CCSER1: variants seen among roughly 807,000 people sequenced by gnomAD.
The protein encoded by CCSER1 is serine-rich coiled-coil domain-containing protein 1.
Under a neutral mutation model 82.0 loss-of-function variants are expected in CCSER1, and 41 were observed. The observed-to-expected ratio is 0.50, with a 90% CI of 0.39 to 0.65. CCSER1 has a LOEUF of 0.65. Ranked by LOEUF, CCSER1 falls within the 30% of genes least tolerant of loss-of-function variation. The pLI is 0.00. For synonymous variants in CCSER1, 414 were observed against 383.9 expected, an observed-to-expected ratio of 1.08 and a Z score of -0.92; for missense variants, 1,119 against 1,064.2, an observed-to-expected ratio of 1.05 and a Z score of -0.72.
chr4:90,278,860 T>C (rs1728392619), intron 1 of CCSER1, among the ~76,000 whole-genome samples: 2 of 152,032 alleles, frequency 1.3e-5, no homozygotes, highest in Non-Finnish European at 1.5e-5. Flanking sequence ...GTTGATAAGA[T>C]ATAGGTCAAA....
chr4:90,708,441 T>G (rs1739821209), intron 6 of CCSER1, among the ~76,000 whole-genome samples: 1 of 152,134 alleles, frequency 6.6e-6, no homozygotes, highest in Non-Finnish European at 1.5e-5. Context: ...TAATATTTCT[T>G]TGCTAGGGAG....
chr4:91,159,088 G>T (rs139788234), intron 10 of CCSER1, among the ~76,000 whole-genome samples: 2 of 151,666 alleles, frequency 1.3e-5, no homozygotes, highest in Non-Finnish European at 2.9e-5. Flanking sequence ...TTAAATTAAG[G>T]ACTTATCTGA....
At chr4:90,418,698 A>G (rs1055300914) in intron 4 of CCSER1, among the ~76,000 whole-genome samples, 1 of 152,030 alleles carries the variant, frequency 6.6e-6, no homozygotes, top group South Asian at 2.1e-4. Context: ...TTAAAATCAC[A>G]TGTTCACTGA....
chr4:90,144,582 AG>A (rs1725456905), intron 1 of CCSER1, among the ~76,000 whole-genome samples: 1 of 152,208 alleles, frequency 6.6e-6, no homozygotes, highest in Non-Finnish European at 1.5e-5. Context: ...AATGTGAAAA[AG>A]TAGTGGAATA....
Position 90,879,884 on chromosome 4 carries a change from T to C in CCSER1, c.2095-43486T>C, listed in dbSNP as rs556221244. 4.6e-5 allele frequency among the ~76,000 whole-genome samples: 7 copies of C among 152,294 alleles called. No homozygotes were observed. The South Asian group carries it at 1.0e-3, about 23-fold the overall frequency. On this transcript the variant is annotated intron_variant, in intron 8 of 10. Coordinates refer to ENST00000509176, the MANE Select transcript of CCSER1 (RefSeq NM_001145065.2). ...AGATACAGTATAGATGCAGTATAGA[T>C]ACAGTCAATAGACTTATTTTCTGGA...
At chr4:90,480,404 G>T (rs1261870571) in intron 5 of CCSER1, among the ~76,000 whole-genome samples, 1 of 152,038 alleles carries the variant, frequency 6.6e-6, no homozygotes, top group African/African-American at 2.4e-5. Context: ...TGTCACTTTT[G>T]GCTTTTGTTT....
intron 5 of CCSER1, among the ~76,000 whole-genome samples, chr4:90,605,148 C>A (rs1269613947): frequency 6.6e-6 from 1 of 152,122 alleles, no homozygotes; most frequent in Non-Finnish European, 1.5e-5. Context: ...AGACCACGAA[C>A]CCCCCAGAAG....
chr4:90,307,507 G>A (rs1734516971), intron 1 of CCSER1, among the ~76,000 whole-genome samples: 1 of 107,614 alleles, frequency 9.3e-6, no homozygotes, highest in Non-Finnish European at 1.8e-5. Flanking sequence ...TCCTGGGGTG[G>A]GGGGAGGGGG....
intron 10 of CCSER1, among the ~76,000 whole-genome samples, chr4:91,171,813 G>A (rs891988271): frequency 2.0e-5 from 3 of 152,006 alleles, no homozygotes; most frequent in African/African-American, 4.8e-5. Context: ...GTTAACCTAT[G>A]ATTCATAAAA....
intron 10 of CCSER1, among the ~76,000 whole-genome samples, chr4:91,441,805 C>A (rs187678643): frequency 2.6e-4 from 39 of 151,802 alleles, no homozygotes; most frequent in Admixed American, 2.0e-3. Flanking sequence ...GCAAAAATCA[C>A]AAGCATTCTT....
chr4:90,341,457 T>A (rs1401683302), intron 3 of CCSER1, among the ~76,000 whole-genome samples: 4 of 152,098 alleles, frequency 2.6e-5, no homozygotes, highest in African/African-American at 7.2e-5. Context: ...GAGCATTTTT[T>A]AAATATAATA....
rs201056257 is a variant in CCSER1, at chr4:91,349,263, G to GT, written c.2218-249301dup. ...TTATGTTTTTGACTAAGGGTTGGGT[G>GT]TTTTTTTTACTGTTTGCTGTAGCTA... is the stretch of plus-strand genomic sequence containing the variant. On this transcript the variant is annotated intron_variant, in intron 10 of 10. Coordinates refer to ENST00000509176, the MANE Select transcript of CCSER1 (RefSeq NM_001145065.2). 8.6e-4 allele frequency among the ~76,000 whole-genome samples: 130 copies of GT among 151,954 alleles called. 1 individual carries two copies. Among genetic ancestry groups the GT allele is most frequent in the East Asian group, 7.3e-3 (38 of 5,174 alleles).
intron 4 of CCSER1, among the ~76,000 whole-genome samples, chr4:90,407,633 A>G (rs1753928483): frequency 2.0e-5 from 3 of 152,214 alleles, no homozygotes; most frequent in Admixed American, 6.5e-5. Context: ...CCAGCATCAT[A>G]TCAAAAAGAT....
intron 10 of CCSER1, among the ~76,000 whole-genome samples, chr4:91,549,858 C>T (rs763309945): frequency 6.6e-6 from 1 of 151,942 alleles, no homozygotes; most frequent in Non-Finnish European, 1.5e-5. Flanking sequence ...AGCCTTAGTC[C>T]TTCGGTGAGC....
At chr4:91,571,128 A>C (rs1252395116) in intron 10 of CCSER1, among the ~76,000 whole-genome samples, 1 of 152,176 alleles carries the variant, frequency 6.6e-6, no homozygotes, top group Non-Finnish European at 1.5e-5. Context: ...TTCATTGTCC[A>C]TATCACCATC....
intron 10 of CCSER1, among the ~76,000 whole-genome samples, chr4:91,409,627 G>C (rs1183848125): frequency 6.6e-6 from 1 of 152,060 alleles, no homozygotes; most frequent in Non-Finnish European, 1.5e-5. Flanking sequence ...GCTACCCAAA[G>C]TATAATGTGA....
chr4:90,461,134 C>G lies in CCSER1; in HGVS notation c.1604-7100C>G, dbSNP rs537667202. Among the ~76,000 whole-genome samples, 10 of 98,436 alleles carry G rather than the reference C, an allele frequency of 1.0e-4. 2 individuals are homozygous for G. In the South Asian group the frequency reaches 3.1e-3, roughly 30 times the overall value. The allele number at this position is 98,436 out of a possible 152,430, so 64.6% of individuals were successfully genotyped here. A position where few individuals can be genotyped will look rare whatever the true frequency, so the allele number is the denominator to read the frequency against. The stretch of plus-strand genomic sequence containing the variant: ...AGGCTGGAGTGCAGTGGCGGGATCT[C>G]GGCTCACTGCAAGCTCCGCCTCCCG... On this transcript the variant is annotated intron_variant, in intron 4 of 10. Transcript: ENST00000509176.
intron 5 of CCSER1, among the ~76,000 whole-genome samples, chr4:90,509,925 T>G (rs2153616311): frequency 6.6e-6 from 1 of 152,342 alleles, no homozygotes; most frequent in Non-Finnish European, 1.5e-5. Context: ...TGTTTTGCTA[T>G]CTCAAAAATC....
chr4:90,143,045 A>T (rs1251964646), intron 1 of CCSER1, among the ~76,000 whole-genome samples: 51 of 152,214 alleles, frequency 3.4e-4, no homozygotes, highest in Non-Finnish European at 2.9e-5. Context: ...TGTTGGATGT[A>T]TGAAAAGTGA....
Sources: gnomAD v4.1 joint callset for allele counts (sites outside exome capture counted in the v4.1 genomes callset) on GRCh38, gnomAD v4.1.1 for gene constraint, MANE v1.5 for transcripts, NCBI Gene and HGNC (gene_info 2026-07-23, HGNC 2026-07-21) for gene names.